The following CECR2 variants were observed in gnomAD, a reference collection of about 807,000 sequenced individuals.
The protein encoded by CECR2 is CECR2 histone acetyl-lysine reader.
Under a neutral mutation model 154.5 loss-of-function variants are expected in CECR2, and 30 were observed. The ratio of observed to expected loss-of-function variants is 0.19; its 90% confidence interval spans 0.15 to 0.26. The LOEUF is 0.26. Among genes scored for constraint, CECR2 ranks in the 10% least tolerant of loss-of-function variants. The pLI, the probability that CECR2 is intolerant of heterozygous loss-of-function variation, is 1.00. For synonymous variants in CECR2, 725 were observed against 683.7 expected (o/e 1.06, Z -0.94); for missense variants, 1,743 against 1,829.3 (o/e 0.95, Z 0.86).
chr22:17,417,497 A>T (rs886415185), intron 1 of CECR2, among the ~76,000 whole-genome samples: 1 of 152,256 alleles, frequency 6.6e-6, no homozygotes, highest in African/African-American at 2.4e-5. Context: ...AATTTTTTTT[A>T]AATTGATACA....
intron 1 of CECR2, among the ~76,000 whole-genome samples, chr22:17,414,121 T>C (rs188508731): frequency 0.02 from 3,029 of 151,936 alleles, 44 homozygotes; most frequent in Non-Finnish European, 0.028. Context: ...TACAGGTGCC[T>C]GCCACCACGC....
intron 9 of CECR2, among the ~76,000 whole-genome samples, chr22:17,536,560 G>A (rs948254024): frequency 6.6e-6 from 1 of 152,204 alleles, no homozygotes; most frequent in African/African-American, 2.4e-5. Flanking sequence ...CCTGCTGCCT[G>A]ATCTGGGGGT....
At chr22:17,393,729 A>G (rs938957729) in intron 1 of CECR2, among the ~76,000 whole-genome samples, 3 of 152,022 alleles carry the variant, frequency 2.0e-5, no homozygotes, top group African/African-American at 7.3e-5. Flanking sequence ...CCTGGTCTTG[A>G]TTTGTACTTC....
intron 7 of CECR2, among the ~76,000 whole-genome samples, chr22:17,510,900 C>G (rs1390477783): frequency 6.6e-6 from 1 of 152,180 alleles, no homozygotes; most frequent in Non-Finnish European, 1.5e-5. Context: ...CCACCCCACC[C>G]AGCCCGAAAC....
rs17735146 is a variant in CECR2 at position 17,372,137 on chromosome 22, A to C, written c.126+2228A>C. On this transcript the variant is annotated intron_variant, in intron 1 of 18. Transcript: ENST00000262608. The stretch of plus-strand genomic sequence containing the variant: ...TGCTGTTTGAAATACATGCAACAGA[A>C]ATGAATATTTGGCTTCAAACATGCA... 4.1e-3 allele frequency among the ~76,000 whole-genome samples: 632 copies of C among 152,316 alleles called. 6 individuals are homozygous for C. Among genetic ancestry groups the C allele is most frequent in the Middle Eastern group, 0.01 (3 of 294 alleles).
chr22:17,517,481 T>C lies in CECR2; in HGVS notation c.954+5585T>C, dbSNP rs952613201. On this transcript the variant is annotated intron_variant, in intron 8 of 18. Transcript: ENST00000262608. The stretch of plus-strand genomic sequence containing the variant: ...ATACCACAGGTTAAGTTATATATTA[T>C]GCCATCTTCGAGTAACACTTGAAGC... Among the ~76,000 whole-genome samples, 11 of 152,370 alleles carry C rather than the reference T, an allele frequency of 7.2e-5. 1 individual carries two copies. The highest frequency in any genetic ancestry group is 4.1e-4 in the South Asian group (2 of 4,828).
In CECR2 at chr22:17,498,526, G is replaced by A. The variant is rs73876459; in HGVS notation, c.406-884G>A. 5.4e-3 allele frequency among the ~76,000 whole-genome samples: 817 copies of A among 152,230 alleles called. 8 individuals carry two copies. The highest frequency in any genetic ancestry group is 0.019 in the African/African-American group (768 of 41,510). ...ACTTCTCAGTTGAGCTCTGGTTATG[G>A]GCACATTATAAAAAAATCATTGTGT... is the stretch of plus-strand genomic sequence containing the variant. On this transcript the variant is annotated intron_variant, in intron 3 of 18. Transcript: ENST00000262608.
At chr22:17,509,162 C>A (rs984871339) in intron 7 of CECR2, among the ~76,000 whole-genome samples, 1 of 152,016 alleles carries the variant, frequency 6.6e-6, no homozygotes. Flanking sequence ...GAGGCAGAAG[C>A]ATTGCTTGAA....
intron 1 of CECR2, among the ~76,000 whole-genome samples, chr22:17,429,544 AC>A (rs372076714): frequency 0.016 from 2,116 of 132,382 alleles, 88 homozygotes; most frequent in African/African-American, 0.056. Context: ...TCTACCAAAA[AC>A]AAAAACAAAA....
In CECR2 at chr22:17,553,301, G is replaced by T; in HGVS notation, c.*461G>T. ...TGGGTCCAGTTTACAGAATTTTCAT[G>T]TTGCCTTTTAAAATAATTTTTGTTG... On this transcript the variant is annotated 3_prime_UTR_variant, in exon 19 of 19. Coordinates refer to ENST00000262608, the MANE Select transcript of CECR2 (RefSeq NM_001290047.2). 1 of 135,296 alleles carries T rather than the reference G, an allele frequency of 7.4e-6. No individual in the cohort carries two copies. Among genetic ancestry groups the T allele is most frequent in the Non-Finnish European group, 1.5e-5 (1 of 65,086 alleles). The allele number at this position is 135,296 out of a possible 1,614,324, so 8.4% of individuals were successfully genotyped here. A position where few individuals can be genotyped will look rare whatever the true frequency, so the allele number is the denominator to read the frequency against.
At chr22:17,495,746 C>G (rs551921172) in intron 2 of CECR2, among the ~76,000 whole-genome samples, 257 of 150,084 alleles carry the variant, frequency 1.7e-3, no homozygotes, top group African/African-American at 6.0e-3. Context: ...CCTGTAGTCC[C>G]AGCTACTCGG....
At chr22:17,447,799 A>G (rs1207221890) in intron 1 of CECR2, among the ~76,000 whole-genome samples, 1 of 152,006 alleles carries the variant, frequency 6.6e-6, no homozygotes, top group Non-Finnish European at 1.5e-5. Context: ...TGTATTAGCC[A>G]CTGGCAGCTG....
At chr22:17,544,267 G>A (rs1397215045) in intron 16 of CECR2, among the ~76,000 whole-genome samples, 4 of 152,086 alleles carry the variant, frequency 2.6e-5, no homozygotes. Flanking sequence ...GGGAGGCCAA[G>A]GCAGGCAGAT....
chr22:17,539,625 C>G (rs1281499807), intron 13 of CECR2, among the ~76,000 whole-genome samples: 2 of 151,924 alleles, frequency 1.3e-5, no homozygotes, highest in African/African-American at 4.8e-5. Flanking sequence ...TGTAACAAAC[C>G]TGCACGTTGT....
At chr22:17,546,765 G>C (rs1008210815) in intron 16 of CECR2, among the ~76,000 whole-genome samples, 5 of 151,976 alleles carry the variant, frequency 3.3e-5, no homozygotes, top group Non-Finnish European at 4.4e-5. Context: ...TTGGCTGGGC[G>C]CGGTGGCTCA....
rs972874385 is a variant in CECR2, at chr22:17,511,992, T to C, written c.954+96T>C. ...ATTCCTGCCTTTTTATTTTCCTTCA[T>C]TTTTTTTCCTAAACCCCAAATGTTT... is the stretch of plus-strand genomic sequence containing the variant. On this transcript the variant is annotated intron_variant, in intron 8 of 18. Coordinates refer to ENST00000262608, the MANE Select transcript of CECR2 (RefSeq NM_001290047.2). The C allele has an allele frequency of 5.6e-6, 5 of 898,556 alleles. No homozygotes were observed. The African/African-American group carries it at 6.8e-5, about 12-fold the overall frequency. The allele number at this position is 898,556 out of a possible 1,614,324, so 55.7% of individuals were successfully genotyped here.
chr22:17,391,475 G>T (rs547342482), intron 1 of CECR2, among the ~76,000 whole-genome samples: 1 of 152,252 alleles, frequency 6.6e-6, no homozygotes, highest in Non-Finnish European at 1.5e-5. Context: ...GTCTGGACCT[G>T]TCACTTAGCC....
At chr22:17,411,153 G>T (rs2054063309) in intron 1 of CECR2, among the ~76,000 whole-genome samples, 1 of 152,192 alleles carries the variant, frequency 6.6e-6, no homozygotes, top group African/African-American at 2.4e-5. Flanking sequence ...TACTTTGCAT[G>T]GCCTTTAGCG....
At chr22:17,442,019 C>T (rs1036187559) in intron 1 of CECR2, among the ~76,000 whole-genome samples, 1 of 152,172 alleles carries the variant, frequency 6.6e-6, no homozygotes, top group African/African-American at 2.4e-5. Context: ...ACTTCATTTT[C>T]ATTGACCATC....
Sources: allele counts gnomAD v4.1 joint callset (sites outside exome capture counted in the v4.1 genomes callset), GRCh38; gene constraint gnomAD v4.1.1; transcripts MANE v1.5; gene names NCBI Gene and HGNC (gene_info 2026-07-23, HGNC 2026-07-21).